The following UTRN variants were observed in gnomAD, a reference collection of about 807,000 sequenced individuals.
UTRN encodes the protein dystrophin-related protein 1.
A neutral mutation model predicts 463.9 loss-of-function variants in UTRN; 283 were observed. The ratio of observed to expected loss-of-function variants is 0.61; its 90% CI spans 0.55 to 0.67. UTRN has a LOEUF of 0.67. UTRN is among the 30% of genes least tolerant of loss of function. The probability of loss-of-function intolerance (pLI) is 0.00; values close to 1 mark genes in which losing one functional copy is unlikely to be tolerated. For missense variants in UTRN, 3,922 were observed against 4,084.3 expected, an observed-to-expected ratio of 0.96 and a Z score of 1.08; for synonymous variants, 1,442 against 1,431.5, an observed-to-expected ratio of 1.01 and a Z score of -0.17.
chr6:144,290,070 T>G (rs765575327), intron 1 of UTRN, among the ~76,000 whole-genome samples: 4 of 152,226 alleles, frequency 2.6e-5, no homozygotes, highest in Non-Finnish European at 5.9e-5. Flanking sequence ...TATAGACAGA[T>G]ATATGCTATT....
chr6:144,479,068 A>G (rs984314808), intron 25 of UTRN, among the ~76,000 whole-genome samples: 1 of 151,084 alleles, frequency 6.6e-6, no homozygotes, highest in Non-Finnish European at 1.5e-5. Context: ...CTTAATGGGA[A>G]GTGCAGTTAA....
intron 51 of UTRN, among the ~76,000 whole-genome samples, chr6:144,615,118 AGTTT>A (rs1285359270): frequency 6.6e-6 from 1 of 152,178 alleles, no homozygotes. Context: ...TATTTAAAAC[AGTTT>A]GTTTGTAACT....
At chr6:144,453,896 T>C (rs2128558275) in intron 19 of UTRN, 27 bp downstream of exon 19, 3 of 1,594,446 alleles carry the variant, frequency 1.9e-6, no homozygotes, top group Non-Finnish European at 1.7e-6. Flanking sequence ...TTTTCCCCTA[T>C]ATTTTTCAGA....
At chr6:144,790,862 T>A (rs1776700408) in intron 62 of UTRN, among the ~76,000 whole-genome samples, 1 of 152,164 alleles carries the variant, frequency 6.6e-6, no homozygotes, top group Non-Finnish European at 1.5e-5. Context: ...AAAGTAACAG[T>A]TATAGTGTGG....
chr6:144,765,603 G>A (rs1793212314), intron 58 of UTRN, among the ~76,000 whole-genome samples: 1 of 152,248 alleles, frequency 6.6e-6, no homozygotes, highest in African/African-American at 2.4e-5. Context: ...TAGAGATGGA[G>A]TCTTGCTATG....
intron 3 of UTRN, 132 bp downstream of exon 3, chr6:144,403,316 T>C: frequency 1.3e-6 from 1 of 745,144 alleles, no homozygotes. Flanking sequence ...CAGATACATT[T>C]GTTGTTCCTT....
intron 51 of UTRN, chr6:144,660,257 G>T (rs1176599397): frequency 2.1e-6 from 1 of 471,208 alleles, no homozygotes; most frequent in Admixed American, 2.3e-5. Context: ...TACGGGAACT[G>T]CTGACAAAAT....
At chr6:144,310,191 T>C (rs1806117957) in intron 2 of UTRN, among the ~76,000 whole-genome samples, 1 of 152,246 alleles carries the variant, frequency 6.6e-6, no homozygotes. Context: ...TTTTCATTGC[T>C]TTCCACAAGT....
chr6:144,613,039 A>G (rs1805693028), intron 51 of UTRN, among the ~76,000 whole-genome samples: 1 of 152,108 alleles, frequency 6.6e-6, no homozygotes, highest in South Asian at 2.1e-4. Flanking sequence ...AATGGTGTAA[A>G]TCCTGTCATT....
intron 2 of UTRN, chr6:144,344,082 A>G (rs1777363847): frequency 9.0e-7 from 1 of 1,115,690 alleles, no homozygotes; most frequent in Non-Finnish European, 1.1e-6. Context: ...GGGAAAAATA[A>G]AAGCCACCAA....
intron 2 of UTRN, among the ~76,000 whole-genome samples, chr6:144,360,707 C>T (rs1779009645): frequency 6.6e-6 from 1 of 152,222 alleles, no homozygotes. Context: ...AATTCTCCAG[C>T]TCTCTTGCAT....
chr6:144,570,506 TAATCCAA>T (rs1800838343), intron 50 of UTRN, among the ~76,000 whole-genome samples: 1 of 152,326 alleles, frequency 6.6e-6, no homozygotes, highest in Admixed American at 6.5e-5. Context: ...TTGTCTACCT[TAATCCAA>T]AATCCATATT....
chr6:144,603,838 G>A lies in UTRN; in HGVS notation c.7479+26550G>A, dbSNP rs1804530614. Reference sequence around the variant, plus strand: ...TTATTAAAATAACTAGTATTTTTAAGGGAATTTACTTTTATATTTTAATTA... The same window carrying A: ...TTATTAAAATAACTAGTATTTTTAAAGGAATTTACTTTTATATTTTAATTA... On this transcript the variant is annotated intron_variant, in intron 51 of 74. Transcript: ENST00000367545. Among the ~76,000 whole-genome samples, 3 of 152,112 alleles carry A rather than the reference G, an allele frequency of 2.0e-5. No homozygotes were observed. In the South Asian group the frequency reaches 6.2e-4, roughly 31 times the overall value.
At position 144,711,992 on chromosome 6, in the gene UTRN, C is replaced by G. The variant is rs577246323; in HGVS notation, c.7809+11749C>G. Reference sequence around the variant, plus strand: ...GTGTGTGTGTGTGTGTCTGTGCACACGTAGGTGTGGTAGAATTTTTTTTCC... The same window carrying G: ...GTGTGTGTGTGTGTGTCTGTGCACAGGTAGGTGTGGTAGAATTTTTTTTCC... On this transcript the variant is annotated intron_variant, in intron 53 of 74. Coordinates refer to ENST00000367545, the MANE Select transcript of UTRN (RefSeq NM_007124.3). Among the ~76,000 whole-genome samples the G allele has an allele frequency of 3.3e-5, 5 of 152,180 alleles. No individual in the cohort carries two copies. The East Asian group carries it at 9.6e-4, about 29-fold the overall frequency.
At chr6:144,398,176 A>G (rs1305388766) in intron 2 of UTRN, 1 of 245,642 alleles carries the variant, frequency 4.1e-6, no homozygotes, top group Non-Finnish European at 8.4e-6. Flanking sequence ...CTGCTCTTGC[A>G]ATATTCTCTA....
intron 2 of UTRN, among the ~76,000 whole-genome samples, chr6:144,382,549 A>G (rs1183280725): frequency 6.6e-6 from 1 of 152,228 alleles, no homozygotes; most frequent in African/African-American, 2.4e-5. Context: ...AGAATTAACC[A>G]TGTGGCTCTT....
intron 1 of UTRN, among the ~76,000 whole-genome samples, chr6:144,289,552 G>A (rs1350376476): frequency 6.6e-6 from 1 of 152,024 alleles, no homozygotes; most frequent in African/African-American, 2.4e-5. Flanking sequence ...AAACTTCTGG[G>A]CTCAAGTAAT....
At chr6:144,737,548 G>A (rs1347372589) in intron 54 of UTRN, among the ~76,000 whole-genome samples, 1 of 152,124 alleles carries the variant, frequency 6.6e-6, no homozygotes, top group African/African-American at 2.4e-5. Context: ...TTATATTTTA[G>A]TAAATTTTCT....
intron 51 of UTRN, among the ~76,000 whole-genome samples, chr6:144,578,027 A>G (rs1801607690): frequency 6.6e-6 from 1 of 151,978 alleles, no homozygotes; most frequent in Non-Finnish European, 1.5e-5. Context: ...ACATGGTGAA[A>G]CCCCATCTCT....
Sources: gnomAD v4.1 joint callset for allele counts (sites outside exome capture counted in the v4.1 genomes callset) on GRCh38, gnomAD v4.1.1 for gene constraint, MANE v1.5 for transcripts, NCBI Gene and HGNC (gene_info 2026-07-23, HGNC 2026-07-21) for gene names.